WASHC2C: variants seen among roughly 807,000 people sequenced by gnomAD.
WASHC2C encodes WASH complex subunit 2C.
A neutral mutation model predicts 142.2 loss-of-function variants in WASHC2C; 73 were observed. The ratio of observed to expected loss-of-function variants is 0.51; its 90% CI spans 0.43 to 0.62. The LOEUF is 0.62. Among genes scored for constraint, WASHC2C ranks in the 20% least tolerant of loss-of-function variants. The pLI is 0.00. For missense variants in WASHC2C, 969 were observed against 1,531.7 expected, an observed-to-expected ratio of 0.63 and a Z score of 6.13; for synonymous variants, 337 against 565.5, an observed-to-expected ratio of 0.60 and a Z score of 5.73.
chr10:45,784,941 A>G (rs2057918416), intron 25 of WASHC2C, 40 bp downstream of exon 25: 2 of 1,610,136 alleles, frequency 1.2e-6, no homozygotes, highest in Non-Finnish European at 1.7e-6. Flanking sequence ...TGTGTGGGAA[A>G]GATTCTGGGA....
intron 8 of WASHC2C, among the ~76,000 whole-genome samples, 155 bp downstream of exon 8, chr10:45,746,802 T>TA (rs1234290089): frequency 6.6e-6 from 1 of 152,258 alleles, no homozygotes; most frequent in Non-Finnish European, 1.5e-5. Flanking sequence ...TTAGGCTAAC[T>TA]ACCTCCTTTG....
chr10:45,788,122 T>A (rs2058181778), intron 28 of WASHC2C, among the ~76,000 whole-genome samples: 1 of 152,252 alleles, frequency 6.6e-6, no homozygotes, highest in Admixed American at 6.5e-5. Flanking sequence ...TTTTTTTTAT[T>A]AAGTTTAAAT....
rs528145643 is a variant in WASHC2C at position 45,729,767 on chromosome 10, G to A, written c.291+741G>A. The stretch of plus-strand genomic sequence containing the variant: ...TATCAGCATTCATTTGTGGAAAAAG[G>A]ATTATTAAAGTAAGCGATCTCCCGA... On this transcript the variant is annotated intron_variant, in intron 3 of 30. Coordinates refer to ENST00000623400, the MANE Select transcript of WASHC2C (RefSeq NM_001330074.2). Among the ~76,000 whole-genome samples the A allele has an allele frequency of 3.5e-4, 51 of 146,908 alleles. No homozygotes were observed. In the East Asian group the frequency reaches 0.01, roughly 29 times the overall value.
chr10:45,784,246 G>GTA (rs2057751772), intron 23 of WASHC2C, among the ~76,000 whole-genome samples: 2 of 35,636 alleles, frequency 5.6e-5, no homozygotes, highest in African/African-American at 1.7e-4. Flanking sequence ...ATATATGTGT[G>GTA]TGTGTGTATA....
intron 23 of WASHC2C, among the ~76,000 whole-genome samples, chr10:45,784,175 A>G (rs1220822334): frequency 6.7e-6 from 1 of 149,846 alleles, no homozygotes; most frequent in Non-Finnish European, 1.5e-5. Flanking sequence ...TAGATACTAT[A>G]CGAAGTTTAT....
chr10:45,765,350 A>C (rs1296918935), intron 18 of WASHC2C, among the ~76,000 whole-genome samples: 2,240 of 143,844 alleles, frequency 0.016, 17 homozygotes, highest in East Asian at 0.029. Flanking sequence ...GGCTGTAACC[A>C]CCTGAAATGA....
At chr10:45,770,010 G>A (rs2056415812) in intron 20 of WASHC2C, among the ~76,000 whole-genome samples, 1 of 151,560 alleles carries the variant, frequency 6.6e-6, no homozygotes, top group South Asian at 2.1e-4. Context: ...GGAGGCCGAG[G>A]TGGGCAGATC....
intron 17 of WASHC2C, among the ~76,000 whole-genome samples, chr10:45,760,888 C>G (rs1554879727): frequency 1.3e-5 from 2 of 150,752 alleles, no homozygotes; most frequent in Non-Finnish European, 2.9e-5. Flanking sequence ...TTTGTATTCC[C>G]TATTTGTATC....
At chr10:45,756,449 C>T (rs782803020) in intron 15 of WASHC2C, among the ~76,000 whole-genome samples, 3,294 of 152,152 alleles carry the variant, frequency 0.022, 26 homozygotes, top group Non-Finnish European at 0.033. Context: ...TTCAAATTAT[C>T]TTCTTATTTA....
intron 23 of WASHC2C, among the ~76,000 whole-genome samples, chr10:45,782,128 A>G (rs1366448961): frequency 1.4e-5 from 2 of 146,274 alleles, no homozygotes; most frequent in Non-Finnish European, 3.0e-5. Context: ...TCTCTACAAA[A>G]AATTTTAAAA....
At chr10:45,728,724 C>G in intron 2 of WASHC2C, 138 bp from the exon 3 acceptor site, 1 of 1,336,740 alleles carries the variant, frequency 7.5e-7, no homozygotes, top group Non-Finnish European at 9.9e-7. Flanking sequence ...GAGTGAAACT[C>G]TCTCTCAAAA....
intron 20 of WASHC2C, among the ~76,000 whole-genome samples, chr10:45,770,177 G>A (rs1554884110): frequency 6.7e-6 from 1 of 150,022 alleles, no homozygotes; most frequent in East Asian, 2.0e-4. Flanking sequence ...GGAGGTGGAG[G>A]TTGCAGTGAG....
chr10:45,749,166 G>A (rs1372885219), intron 8 of WASHC2C, among the ~76,000 whole-genome samples: 1 of 151,578 alleles, frequency 6.6e-6, no homozygotes, highest in African/African-American at 2.4e-5. Flanking sequence ...TAATCCCAGT[G>A]CTTTGAGAAT....
chr10:45,784,774 A>C, intron 24 of WASHC2C, 47 bp from the exon 25 acceptor site: 3 of 1,594,036 alleles, frequency 1.9e-6, no homozygotes, highest in Non-Finnish European at 2.6e-6. Flanking sequence ...TTCTCTTTGT[A>C]AATTGTTTTG....
chr10:45,732,301 T>G (rs1433777737), intron 3 of WASHC2C, among the ~76,000 whole-genome samples: 1 of 152,208 alleles, frequency 6.6e-6, no homozygotes, highest in Non-Finnish European at 1.5e-5. Flanking sequence ...CAATCCGTAC[T>G]TTCTAGGGCG....
At chr10:45,762,404 T>C (rs529923221) in intron 17 of WASHC2C, among the ~76,000 whole-genome samples, 57 of 150,618 alleles carry the variant, frequency 3.8e-4, no homozygotes, top group Non-Finnish European at 7.3e-4. Context: ...AAAATTAATA[T>C]AGGCTGGTCT....
In WASHC2C at chr10:45,769,328, A is replaced by C. The variant is rs367950960; in HGVS notation, c.1870-121A>C. ...AGAGATGGGGTTTCACCGTGTTAGCAAGGATGGTCTTGATCTGCTGATCTC... is the reference window on the plus strand; with the variant it reads ...AGAGATGGGGTTTCACCGTGTTAGCCAGGATGGTCTTGATCTGCTGATCTC... On this transcript the variant is annotated intron_variant, in intron 19 of 30. Coordinates refer to ENST00000623400, the MANE Select transcript of WASHC2C (RefSeq NM_001330074.2). The C allele has an allele frequency of 2.2e-3, 3,238 of 1,440,318 alleles. 19 individuals are homozygous for C. The highest frequency in any genetic ancestry group is 3.4e-3 in the South Asian group (265 of 78,108). The allele number at this position is 1,440,318 out of a possible 1,614,324, so 89.2% of individuals were successfully genotyped here.
chr10:45,746,944 G>A (rs1212418273), intron 8 of WASHC2C, among the ~76,000 whole-genome samples: 1 of 152,160 alleles, frequency 6.6e-6, no homozygotes, highest in African/African-American at 2.4e-5. Flanking sequence ...TACTTTGCAT[G>A]AGTCCCTCTT....
chr10:45,760,847 C>T (rs1233962712), intron 17 of WASHC2C, among the ~76,000 whole-genome samples: 2 of 149,790 alleles, frequency 1.3e-5, no homozygotes, highest in Non-Finnish European at 3.0e-5. Flanking sequence ...GTCTCTACTT[C>T]CCACTAAAGT....
Sources: allele counts gnomAD v4.1 joint callset (sites outside exome capture counted in the v4.1 genomes callset), GRCh38; gene constraint gnomAD v4.1.1; transcripts MANE v1.5; gene names NCBI Gene and HGNC (gene_info 2026-07-23, HGNC 2026-07-21).